Variants in DNAJC21 observed in about 807,000 individuals in gnomAD.
DNAJC21 encodes the protein dnaJ homolog subfamily C member 21.
A neutral mutation model predicts 72.4 loss-of-function variants in DNAJC21; 63 were observed. That is an observed-to-expected ratio of 0.87 (90% CI 0.71 to 1.07). The LOEUF is 1.07. Ranked by LOEUF, DNAJC21 falls within the 50% of genes least tolerant of loss-of-function variation. The pLI is 0.00. For synonymous variants in DNAJC21, 203 were observed against 216.7 expected (o/e 0.94, Z 0.56); for missense variants, 634 against 644.8 (o/e 0.98, Z 0.18).
rs1185927733 is a variant in DNAJC21 at position 34,933,915 on chromosome 5, A to G, written c.191+7A>G. ...ACCCTCAGGAAAGAGCATGGTGAGC[A>G]TCACGCTGTCCTTCCCATCCTAGTT... On this transcript the variant is annotated splice_region_variant and intron_variant, in intron 2 of 11. Coordinates refer to ENST00000648817, the MANE Select transcript of DNAJC21 (RefSeq NM_001012339.3). 6.2e-7 allele frequency: 1 copy of G among 1,612,412 alleles called. No individual in the cohort carries two copies. The highest frequency in any genetic ancestry group is 8.5e-7 in the Non-Finnish European group (1 of 1,179,162).
intron 9 of DNAJC21, among the ~76,000 whole-genome samples, chr5:34,948,291 T>G (rs1024613476): frequency 5.3e-5 from 8 of 152,190 alleles, no homozygotes; most frequent in African/African-American, 1.9e-4. Context: ...GTTTTGGTTT[T>G]TAAGTTCACT....
chr5:34,937,737 T>C, intron 5 of DNAJC21, 107 bp downstream of exon 5: 1 of 1,310,366 alleles, frequency 7.6e-7, no homozygotes, highest in Admixed American at 2.6e-5. Context: ...CCTGGCTTTA[T>C]CCTGCTTTTT....
At chr5:34,938,114 A>G (rs1045956310) in intron 5 of DNAJC21, among the ~76,000 whole-genome samples, 2 of 152,136 alleles carry the variant, frequency 1.3e-5, no homozygotes, top group Non-Finnish European at 2.9e-5. Context: ...TTTTATTTGA[A>G]TTGGATATTT....
At chr5:34,952,501 C>T (rs1332157180) in intron 10 of DNAJC21, 1 of 154,988 alleles carries the variant, frequency 6.5e-6, no homozygotes, top group East Asian at 1.9e-4. Context: ...CATTATAACC[C>T]ATCCTGTCTG....
At chr5:34,948,852 A>G (rs1327891487) in intron 9 of DNAJC21, among the ~76,000 whole-genome samples, 1 of 151,842 alleles carries the variant, frequency 6.6e-6, no homozygotes, top group African/African-American at 2.4e-5. Flanking sequence ...GCAACAGAGC[A>G]AGACTGTCTC....
chr5:34,951,159 T>C (rs757657410), intron 10 of DNAJC21: 3 of 985,436 alleles, frequency 3.0e-6, no homozygotes, highest in Non-Finnish European at 3.6e-6. Context: ...ACCTACAGTA[T>C]GACTCTGGCT....
At chr5:34,953,303 C>G (rs1031278159) in intron 10 of DNAJC21, among the ~76,000 whole-genome samples, 2 of 151,822 alleles carry the variant, frequency 1.3e-5, no homozygotes, top group African/African-American at 4.8e-5. Flanking sequence ...ACTCTGTCAC[C>G]CCAGCTAGAA....
intron 4 of DNAJC21, 47 bp from the exon 5 acceptor site, chr5:34,937,279 A>G (rs534087847): frequency 6.5e-7 from 1 of 1,548,752 alleles, no homozygotes; most frequent in African/African-American, 1.4e-5. Context: ...GCTTTTCTAA[A>G]AAAAAATCTT....
In DNAJC21 at chr5:34,938,954, AG is replaced by A; in HGVS notation, c.841del (p.Asp281MetfsTer49). ...MEARYEKEFG[D>X]GSDENEMEEH... ...AGGCACGGTACGAGAAGGAGTTTGGAGATGGATCGGATGAAAATGAAATGGA... is the reference window on the plus strand; with the variant it reads ...AGGCACGGTACGAGAAGGAGTTTGGAATGGATCGGATGAAAATGAAATGGA... On this transcript the variant is annotated frameshift_variant, in exon 6 of 12. Coordinates refer to ENST00000648817, the MANE Select transcript of DNAJC21 (RefSeq NM_001012339.3). LOFTEE classifies it high-confidence loss of function. 6.2e-7 allele frequency: 1 copy of A among 1,614,000 alleles called. No homozygotes were observed.
chr5:34,932,419 CAAA>C (rs769907634), intron 1 of DNAJC21, among the ~76,000 whole-genome samples: 2 of 65,698 alleles, frequency 3.0e-5, no homozygotes, highest in Non-Finnish European at 3.0e-5. Context: ...GACTCCATCT[CAAA>C]AAAAAAAAAA....
At chr5:34,945,901 C>A in intron 9 of DNAJC21, 98 bp downstream of exon 9, 1 of 794,978 alleles carries the variant, frequency 1.3e-6, no homozygotes, top group Non-Finnish European at 1.9e-6. Context: ...GAAACTTATA[C>A]TCCATAATTT....
At chr5:34,929,983 C>G in intron 1 of DNAJC21, 67 bp downstream of exon 1, 1 of 1,292,546 alleles carries the variant, frequency 7.7e-7, no homozygotes, top group Non-Finnish European at 1.0e-6. Flanking sequence ...CCTTCCCTTC[C>G]CCCGGGCGGA....
rs1486869149 is a variant in DNAJC21, at chr5:34,954,711, A to G, written c.1593A>G (p.Arg531=). 7 of 1,593,926 alleles carry G rather than the reference A, an allele frequency of 4.4e-6. No individual in the cohort carries two copies. Among genetic ancestry groups the G allele is most frequent in the Admixed American group, 1.8e-5 (1 of 56,508 alleles). ...GCAAGAAAGAGAAACGTAAAAACAG[A>G]TAGAGATTCTGCCTGTGCTTTTGTT... ...SQSKKEKRKN[R] The change falls in exon 12 of 12, where the codon AGA becomes AGG. Residue 531 remains arginine, a synonymous_variant. Transcript: ENST00000648817.
intron 8 of DNAJC21, 132 bp downstream of exon 8, chr5:34,945,157 A>C: frequency 1.9e-6 from 2 of 1,073,662 alleles, no homozygotes; most frequent in Non-Finnish European, 2.7e-6. Context: ...AGCTCACTGC[A>C]ACCTCCAACT....
At position 34,937,544 on chromosome 5, in the gene DNAJC21, G is replaced by A. The variant is rs77480286; in HGVS notation, c.657G>A (p.Ala219=). 1.5e-3 allele frequency: 2,437 copies of A among 1,613,998 alleles called. 17 individuals carry two copies. In the African/African-American group the frequency reaches 0.021, roughly 14 times the overall value. The part of the protein sequence containing the change: ...FIRKRDKRVQ[A]HRKLVEEQNA... ...GTAAAAGAGATAAAAGAGTGCAGGCGCATCGAAAACTTGTGGAAGAACAGA... is the reference window on the plus strand; with the variant it reads ...GTAAAAGAGATAAAAGAGTGCAGGCACATCGAAAACTTGTGGAAGAACAGA... Residue 219 remains alanine, a synonymous_variant, in exon 5 of 12, where the codon GCG becomes GCA. Coordinates refer to ENST00000648817, the MANE Select transcript of DNAJC21 (RefSeq NM_001012339.3).
intron 10 of DNAJC21, chr5:34,951,640 G>C: frequency 1.1e-6 from 1 of 881,322 alleles, no homozygotes; most frequent in Non-Finnish European, 1.4e-6. Flanking sequence ...CAATTCTCCT[G>C]CCTCAGCCTC....
intron 6 of DNAJC21, 102 bp downstream of exon 6, chr5:34,939,111 TTAAAAA>T: frequency 9.0e-7 from 1 of 1,116,546 alleles, no homozygotes; most frequent in Non-Finnish European, 1.2e-6. Context: ...TGGCAAATAA[TTAAAAA>T]TAATGTTGTA....
At chr5:34,943,048 A>G (rs1468477660) in intron 7 of DNAJC21, among the ~76,000 whole-genome samples, 1 of 152,230 alleles carries the variant, frequency 6.6e-6, no homozygotes, top group Non-Finnish European at 1.5e-5. Context: ...AGCCTGGGCA[A>G]TAAGAGCAAA....
Position 34,946,763 on chromosome 5 carries a change from A to T in DNAJC21, c.1185+960A>T, listed in dbSNP as rs574188493. Among the ~76,000 whole-genome samples the T allele has an allele frequency of 1.2e-4, 19 of 152,302 alleles. No individual in the cohort carries two copies. The East Asian group carries it at 3.5e-3, about 28-fold the overall frequency. ...TCTTTCCTTTGTGTATGTCAGTACC[A>T]TTACAGTAAGGACAAAATAAATGGA... On this transcript the variant is annotated intron_variant, in intron 9 of 11. Transcript: ENST00000648817.
Sources: allele counts gnomAD v4.1 joint callset (sites outside exome capture counted in the v4.1 genomes callset), GRCh38; gene constraint gnomAD v4.1.1; transcripts MANE v1.5; gene names NCBI Gene and HGNC (gene_info 2026-07-23, HGNC 2026-07-21).